Variants in ENPP3 observed in about 807,000 individuals in gnomAD.
The protein encoded by ENPP3 is ectonucleotide pyrophosphatase/phosphodiesterase 3, also known as ectonucleotide pyrophosphatase/phosphodiesterase family member 3.
A neutral mutation model predicts 117.8 loss-of-function variants in ENPP3; 104 were observed. The observed-to-expected ratio is 0.88, with a 90% CI of 0.75 to 1.04. The LOEUF (loss-of-function observed/expected upper bound fraction) is 1.04, where lower values mean the gene tolerates loss of function less well. Ranked by LOEUF, ENPP3 falls within the 50% of genes least tolerant of loss-of-function variation. ENPP3 has a pLI of 0.00. For missense variants in ENPP3, 1,026 were observed against 1,051.9 expected (o/e 0.98, Z 0.34); for synonymous variants, 380 against 349.9 (o/e 1.09, Z -0.96).
chr6:131,672,888 TG>T (rs1049416378), intron 7 of ENPP3, among the ~76,000 whole-genome samples: 1 of 152,072 alleles, frequency 6.6e-6, no homozygotes. Context: ...AATAAATGAT[TG>T]GATGGATAGG....
intron 12 of ENPP3, among the ~76,000 whole-genome samples, chr6:131,684,761 G>T (rs141165186): frequency 1.3e-5 from 2 of 151,544 alleles, no homozygotes; most frequent in African/African-American, 4.8e-5. Context: ...TTTATAGCAC[G>T]TACTCCTTAT....
intron 15 of ENPP3, among the ~76,000 whole-genome samples, chr6:131,706,650 G>A (rs1454113826): frequency 2.7e-5 from 4 of 149,484 alleles, no homozygotes; most frequent in East Asian, 4.0e-4. Context: ...TATCATGAAT[G>A]GATATCGAAA....
chr6:131,686,050 T>C lies in ENPP3; in HGVS notation c.1284+143T>C, dbSNP rs1779147390. The C allele has an allele frequency of 1.3e-5, 6 of 465,280 alleles. No individual in the cohort carries two copies. The South Asian group carries it at 1.7e-4, about 13-fold the overall frequency. The allele number at this position is 465,280 out of a possible 1,614,324, so 28.8% of individuals were successfully genotyped here. On this transcript the variant is annotated intron_variant, in intron 14 of 24. Transcript: ENST00000357639. ...AACCTTCCATCAACATTATTTTATA[T>C]GCATATTAGTTGCTTTTATCTTAGT... is the stretch of plus-strand genomic sequence containing the variant.
rs954054170 is a variant in ENPP3, at chr6:131,733,568, T to C, written c.1954-20T>C. 5 of 1,598,586 alleles carry C rather than the reference T, an allele frequency of 3.1e-6. No individual in the cohort carries two copies. The highest frequency in any genetic ancestry group is 1.7e-5 in the Admixed American group (1 of 59,002). ...AGCCGCAATTGTGGGCGTAATTTTT[T>C]TCTCTCTCTCTTTGAACAGGGAGAC... On this transcript the variant is annotated intron_variant, in intron 20 of 24. Transcript: ENST00000357639.
chr6:131,730,627 T>G (rs1258421408), intron 20 of ENPP3, among the ~76,000 whole-genome samples: 2 of 152,220 alleles, frequency 1.3e-5, no homozygotes, highest in Admixed American at 1.3e-4. Context: ...TCAAAATTAG[T>G]AAGACAGGTC....
intron 6 of ENPP3, 46 bp downstream of exon 6, chr6:131,658,466 G>C (rs1357789675): frequency 9.9e-7 from 1 of 1,013,204 alleles, no homozygotes. Context: ...AAGACACCTA[G>C]TTAGTCAATC....
chr6:131,638,381 A>G (rs1350881692), intron 1 of ENPP3: 1 of 338,294 alleles, frequency 3.0e-6, no homozygotes, highest in Non-Finnish European at 5.8e-6. Context: ...ACTAAACCCT[A>G]TCTAAGATCT....
intron 24 of ENPP3, among the ~76,000 whole-genome samples, chr6:131,741,370 C>G (rs1418537110): frequency 6.6e-6 from 1 of 151,986 alleles, no homozygotes; most frequent in Non-Finnish European, 1.5e-5. Context: ...TTTAGTCAGT[C>G]AATAATACAA....
chr6:131,746,527 T>C (rs1780639028), intron 24 of ENPP3, among the ~76,000 whole-genome samples: 1 of 152,180 alleles, frequency 6.6e-6, no homozygotes, highest in African/African-American at 2.4e-5. Flanking sequence ...ATCTGCAATA[T>C]TTAATTTCAT....
chr6:131,692,077 A>G (rs532479459), intron 14 of ENPP3, among the ~76,000 whole-genome samples: 1 of 149,672 alleles, frequency 6.7e-6, no homozygotes, highest in Non-Finnish European at 1.5e-5. Flanking sequence ...AGTTTCTCTT[A>G]TTTTTCTTAT....
intron 17 of ENPP3, 44 bp downstream of exon 17, chr6:131,720,423 T>G: frequency 1.0e-6 from 1 of 1,001,770 alleles, no homozygotes; most frequent in Non-Finnish European, 1.5e-6. Flanking sequence ...ATGGATAGTT[T>G]TAAATATATG....
intron 2 of ENPP3, among the ~76,000 whole-genome samples, chr6:131,647,718 A>AT (rs1340096550): frequency 1.3e-5 from 2 of 152,088 alleles, no homozygotes; most frequent in Non-Finnish European, 2.9e-5. Flanking sequence ...TAAAAGATAA[A>AT]TTTTTTTAAT....
At chr6:131,650,484 A>G (rs911322660) in intron 3 of ENPP3, among the ~76,000 whole-genome samples, 2 of 152,094 alleles carry the variant, frequency 1.3e-5, no homozygotes, top group African/African-American at 2.4e-5. Flanking sequence ...TGGCCTCCCA[A>G]AGTGCTGGGA....
intron 3 of ENPP3, among the ~76,000 whole-genome samples, chr6:131,652,201 C>T (rs1778277795): frequency 6.6e-6 from 1 of 152,192 alleles, no homozygotes; most frequent in African/African-American, 2.4e-5. Context: ...GGCAAAGCTG[C>T]TTTTGGGTGG....
In ENPP3 at chr6:131,733,666, A is replaced by G; in HGVS notation, c.2032A>G (p.Lys678Glu). 1 of 1,614,126 alleles carries G rather than the reference A, an allele frequency of 6.2e-7. No homozygotes were observed. The highest frequency in any genetic ancestry group is 2.2e-5 in the East Asian group (1 of 44,882). ...CAGGGTTCCTCCTTCTGAGAGCCAA[A>G]AATGTTCCTTCTATTTAGCAGACAA... ...DVRVPPSESQ[K>E]CSFYLADKNI... The change falls in exon 21 of 25, where the codon AAA becomes GAA. Residue 678 changes from lysine to glutamate, a missense_variant. Lys to Glu is a moderately conservative substitution (Grantham distance 56, BLOSUM62 1). Coordinates refer to ENST00000357639, the MANE Select transcript of ENPP3 (RefSeq NM_005021.5).
chr6:131,658,237 A>C, intron 5 of ENPP3, 86 bp from the exon 6 acceptor site: 1 of 746,606 alleles, frequency 1.3e-6, no homozygotes, highest in Non-Finnish European at 2.4e-6. Context: ...TTTTACCTTA[A>C]ACACAGGTCT....
intron 16 of ENPP3, 95 bp from the exon 17 acceptor site, chr6:131,720,197 G>T (rs769225423): frequency 2.9e-6 from 2 of 687,500 alleles, no homozygotes; most frequent in Middle Eastern, 4.0e-4. Context: ...ATACAAATAG[G>T]AGAGTAGTTA....
intron 21 of ENPP3, 38 bp downstream of exon 21, chr6:131,733,761 G>A: frequency 6.2e-7 from 1 of 1,603,432 alleles, no homozygotes; most frequent in Non-Finnish European, 8.5e-7. Context: ...AGCTTAGAAA[G>A]CTCTCATCAG....
At chr6:131,666,849 G>A (rs1173289790) in intron 6 of ENPP3, among the ~76,000 whole-genome samples, 1 of 152,186 alleles carries the variant, frequency 6.6e-6, no homozygotes, top group Non-Finnish European at 1.5e-5. Flanking sequence ...TCATGGACCG[G>A]CCTCGTATAG....
Sources: gnomAD v4.1 joint callset for allele counts (sites outside exome capture counted in the v4.1 genomes callset) on GRCh38, gnomAD v4.1.1 for gene constraint, MANE v1.5 for transcripts, NCBI Gene and HGNC (gene_info 2026-07-23, HGNC 2026-07-21) for gene names.